The following UGCG variants were observed in gnomAD, a reference collection of about 807,000 sequenced individuals.
The protein encoded by UGCG is ceramide glucosyltransferase.
In UGCG, 10 loss-of-function variants were observed where a neutral mutation model predicts 49.5. The ratio of observed to expected loss-of-function variants is 0.20; its 90% confidence interval spans 0.12 to 0.34. UGCG has a LOEUF of 0.34. Ranked by LOEUF, UGCG falls within the 10% of genes least tolerant of loss-of-function variation. UGCG has a pLI of 1.00. For synonymous variants in UGCG, 182 were observed against 158.2 expected, an observed-to-expected ratio of 1.15 and a Z score of -1.13; for missense variants, 312 against 483.7, an observed-to-expected ratio of 0.65 and a Z score of 3.33.
intron 1 of UGCG, among the ~76,000 whole-genome samples, chr9:111,910,714 T>C (rs1837980620): frequency 6.6e-6 from 1 of 152,170 alleles, no homozygotes; most frequent in Non-Finnish European, 1.5e-5. Context: ...ACCCACGTGG[T>C]GAGGTGTTCT....
At chr9:111,917,201 C>G (rs1007993571) in intron 2 of UGCG, among the ~76,000 whole-genome samples, 1 of 152,042 alleles carries the variant, frequency 6.6e-6, no homozygotes, top group East Asian at 1.9e-4. Flanking sequence ...ATTTTATTTT[C>G]TAATTATAAA....
At chr9:111,906,266 A>G (rs1269048979) in intron 1 of UGCG, among the ~76,000 whole-genome samples, 1 of 152,144 alleles carries the variant, frequency 6.6e-6, no homozygotes, top group East Asian at 1.9e-4. Context: ...GATTTTATGA[A>G]TGGCACCACT....
In UGCG at chr9:111,934,137, T is replaced by TG. The variant is rs1023951629; in HGVS notation, c.*1140_*1141insG. The TG allele has an allele frequency of 8.6e-5, 13 of 151,656 alleles. No homozygotes were observed. The highest frequency in any genetic ancestry group is 3.4e-3 in the Middle Eastern group (1 of 294). 9.4% of individuals were successfully genotyped at this position (151,656 alleles called of 1,614,324 possible). A position where few individuals can be genotyped will look rare whatever the true frequency, so the allele number is the denominator to read the frequency against. On this transcript the variant is annotated 3_prime_UTR_variant, in exon 9 of 9. Coordinates refer to ENST00000374279, the MANE Select transcript of UGCG (RefSeq NM_003358.3). ...TAAGTCTACTGTGTGTGTTTTTTTTTTTTGTTTTTTGTTTTTGTTTGTTTA... is the reference window on the plus strand; with the variant it reads ...TAAGTCTACTGTGTGTGTTTTTTTTTGTTTGTTTTTTGTTTTTGTTTGTTTA...
At position 111,933,671 on chromosome 9, in the gene UGCG, A is replaced by G. The variant is rs1589532068; in HGVS notation, c.*674A>G. On this transcript the variant is annotated 3_prime_UTR_variant, in exon 9 of 9. Transcript: ENST00000374279. ...AGATAATTTTTTTGGTCTCACTGCA[A>G]TGAACCAAAAGCGGCTGAGTTTGGT... 4 of 152,326 alleles carry G rather than the reference A, an allele frequency of 2.6e-5. No homozygotes were observed. The highest frequency in any genetic ancestry group is 4.4e-5 in the Non-Finnish European group (3 of 68,028). 9.4% of individuals were successfully genotyped at this position (152,326 alleles called of 1,614,324 possible).
chr9:111,915,909 A>G (rs567919458), intron 2 of UGCG: 4 of 871,418 alleles, frequency 4.6e-6, no homozygotes, highest in Non-Finnish European at 1.4e-6. Flanking sequence ...TTTGGAGTTT[A>G]GAAGCCAATT....
chr9:111,914,809 A>G lies in UGCG; in HGVS notation c.240+63A>G, dbSNP rs1398368790. 3.8e-6 allele frequency: 6 copies of G among 1,596,232 alleles called. No homozygotes were observed. In the African/African-American group the frequency reaches 5.4e-5, roughly 14 times the overall value. On this transcript the variant is annotated intron_variant, in intron 2 of 8. Transcript: ENST00000374279. Reference sequence around the variant, plus strand: ...TTGTTTTGTTCCCCTCATGATAAACATTTAGGGATTTTAACACTGTATAAG... The same window carrying G: ...TTGTTTTGTTCCCCTCATGATAAACGTTTAGGGATTTTAACACTGTATAAG...
chr9:111,920,023 A>T (rs1419557533), intron 2 of UGCG, among the ~76,000 whole-genome samples: 2 of 152,096 alleles, frequency 1.3e-5, no homozygotes, highest in African/African-American at 2.4e-5. Context: ...ACTTTCTGTG[A>T]CTTAGAGTCA....
chr9:111,926,485 A>G lies in UGCG; in HGVS notation c.547A>G (p.Thr183Ala), dbSNP rs1564204820. The G allele has an allele frequency of 1.9e-6, 3 of 1,608,536 alleles. No individual in the cohort carries two copies. Among genetic ancestry groups the G allele is most frequent in the Non-Finnish European group, 1.7e-6 (2 of 1,176,672 alleles). The change falls in exon 5 of 9, where the codon ACC (threonine) becomes GCC (alanine). Residue 183 changes from threonine (T) to alanine (A), a missense_variant. By Grantham distance (58) the Thr-to-Ala change is moderately conservative. This residue lies in a region of UGCG where 180 missense variants were observed against 320.4 expected (regional missense o/e 0.56). Coordinates refer to ENST00000374279, the MANE Select transcript of UGCG (RefSeq NM_003358.3). ...AGCAGACAGACAGGGCTTTGCTGCC[A>G]CCTTAGAGCAGGTGAGTATGGTGGT... ...YVADRQGFAA[T>A]LEQVYFGTSH...
chr9:111,913,345 C>T (rs953067791), intron 1 of UGCG, among the ~76,000 whole-genome samples: 2 of 152,204 alleles, frequency 1.3e-5, no homozygotes, highest in Non-Finnish European at 1.5e-5. Context: ...GCTTCAGTGG[C>T]TTCCTTTAGA....
Position 111,897,135 on chromosome 9 carries a change from C to A in UGCG, c.-81C>A. ...TCGCCTCCCGCGCCCCCGCACCGGG[C>A]GCCCACCCTGTCCTCCTCCTGCGGG... On this transcript the variant is annotated 5_prime_UTR_variant, in exon 1 of 9. Coordinates refer to ENST00000374279, the MANE Select transcript of UGCG (RefSeq NM_003358.3). 2 of 1,215,622 alleles carry A rather than the reference C, an allele frequency of 1.6e-6. No individual in the cohort carries two copies. The highest frequency in any genetic ancestry group is 2.2e-6 in the Non-Finnish European group (2 of 895,596). 75.3% of individuals were successfully genotyped at this position (1,215,622 alleles called of 1,614,324 possible). A position where few individuals can be genotyped will look rare whatever the true frequency, so the allele number is the denominator to read the frequency against.
At chr9:111,921,511 G>A (rs941107569) in intron 2 of UGCG, among the ~76,000 whole-genome samples, 9 of 151,912 alleles carry the variant, frequency 5.9e-5, no homozygotes, top group Non-Finnish European at 7.4e-5. Flanking sequence ...CAGACATGGT[G>A]GCGGGCATCT....
chr9:111,905,990 C>T (rs531374042), intron 1 of UGCG, among the ~76,000 whole-genome samples: 14 of 152,136 alleles, frequency 9.2e-5, no homozygotes, highest in Non-Finnish European at 4.4e-5. Flanking sequence ...TTGCTGGGCT[C>T]TGGAGAATTT....
At chr9:111,925,269 T>TA (rs1260932775) in intron 4 of UGCG, among the ~76,000 whole-genome samples, 1 of 152,246 alleles carries the variant, frequency 6.6e-6, no homozygotes, top group East Asian at 1.9e-4. Context: ...CATATTTTAC[T>TA]AAAACACATA....
At chr9:111,898,062 A>T (rs960067928) in intron 1 of UGCG, among the ~76,000 whole-genome samples, 1 of 149,958 alleles carries the variant, frequency 6.7e-6, no homozygotes. Context: ...TCCTGTCCTC[A>T]TGAGTCTTAC....
chr9:111,898,631 T>C (rs1425097854), intron 1 of UGCG, among the ~76,000 whole-genome samples: 1 of 152,180 alleles, frequency 6.6e-6, no homozygotes, highest in Non-Finnish European at 1.5e-5. Flanking sequence ...ATATGTGAGT[T>C]CTTTTTCTTT....
At chr9:111,917,108 G>A (rs564034407) in intron 2 of UGCG, among the ~76,000 whole-genome samples, 1 of 152,302 alleles carries the variant, frequency 6.6e-6, no homozygotes, top group South Asian at 2.1e-4. Flanking sequence ...TCATTTAAGT[G>A]GGTTGAGGAG....
chr9:111,927,052 G>T (rs1282298727), intron 5 of UGCG, among the ~76,000 whole-genome samples: 1 of 151,432 alleles, frequency 6.6e-6, no homozygotes, highest in Admixed American at 6.6e-5. Flanking sequence ...TGTATTTTTA[G>T]TAGAAATGGG....
At position 111,911,244 on chromosome 9, in the gene UGCG, G is replaced by A. The variant is rs541245224; in HGVS notation, c.99-3361G>A. ...CCAGGTCACCAGTAGATGGTCAGGA[G>A]GCAAGCATGGACTCTAGCACTCAGT... On this transcript the variant is annotated intron_variant, in intron 1 of 8. Coordinates refer to ENST00000374279, the MANE Select transcript of UGCG (RefSeq NM_003358.3). 8.7e-4 allele frequency among the ~76,000 whole-genome samples: 133 copies of A among 152,206 alleles called. No homozygotes were observed. The Middle Eastern group carries it at 0.014, about 16-fold the overall frequency.
rs1013466231 is a variant in UGCG, at chr9:111,905,231, C to T, written c.98+7918C>T. On this transcript the variant is annotated intron_variant, in intron 1 of 8. Coordinates refer to ENST00000374279, the MANE Select transcript of UGCG (RefSeq NM_003358.3). The stretch of plus-strand genomic sequence containing the variant: ...GTCTACCCTTATCCTCCATGAACTG[C>T]CCCAATTCTTGCCAAAAGTGCTCAG... Among the ~76,000 whole-genome samples, 4 of 152,154 alleles carry T rather than the reference C, an allele frequency of 2.6e-5. 1 individual carries two copies. Among genetic ancestry groups the T allele is most frequent in the Non-Finnish European group, 5.9e-5 (4 of 68,036 alleles).
Sources: allele counts gnomAD v4.1 joint callset (sites outside exome capture counted in the v4.1 genomes callset), GRCh38; gene constraint gnomAD v4.1.1; regional missense constraint gnomAD v4.1.1; transcripts MANE v1.5; gene names NCBI Gene and HGNC (gene_info 2026-07-23, HGNC 2026-07-21).